PTPRR: variants seen among roughly 807,000 people sequenced by gnomAD.
The protein encoded by PTPRR is protein tyrosine phosphatase receptor type R, also known as receptor-type tyrosine-protein phosphatase R.
A neutral mutation model predicts 77.2 loss-of-function variants in PTPRR; 38 were observed. The ratio of observed to expected loss-of-function variants is 0.49; its 90% confidence interval spans 0.38 to 0.65. The LOEUF is 0.65. Among genes scored for constraint, PTPRR ranks in the 30% least tolerant of loss-of-function variants. PTPRR has a pLI of 0.00. For missense variants in PTPRR, 744 were observed against 799.2 expected (o/e 0.93, Z 0.83); for synonymous variants, 299 against 283.1 (o/e 1.06, Z -0.57).
chr12:70,720,155 G>A (rs962873930), intron 6 of PTPRR, among the ~76,000 whole-genome samples: 2 of 152,180 alleles, frequency 1.3e-5, no homozygotes, highest in African/African-American at 4.8e-5. Context: ...GGTGGAAAAA[G>A]AAAAATCCTC....
chr12:70,739,146 A>G (rs1889966873), intron 6 of PTPRR, among the ~76,000 whole-genome samples: 1 of 152,202 alleles, frequency 6.6e-6, no homozygotes, highest in Non-Finnish European at 1.5e-5. Context: ...AACTGTAGCA[A>G]TTCAGTAGAA....
At chr12:70,864,569 G>C (rs927689177) in intron 2 of PTPRR, among the ~76,000 whole-genome samples, 1 of 152,136 alleles carries the variant, frequency 6.6e-6, no homozygotes, top group Non-Finnish European at 1.5e-5. Context: ...CACTATCAGA[G>C]TTCATTCATT....
At chr12:70,843,671 CTT>C (rs1327295417) in intron 2 of PTPRR, among the ~76,000 whole-genome samples, 1 of 151,962 alleles carries the variant, frequency 6.6e-6, no homozygotes, top group Non-Finnish European at 1.5e-5. Context: ...TGCTAATTAT[CTT>C]TGTTATTGTA....
chr12:70,758,774 C>A (rs187940780), intron 4 of PTPRR, among the ~76,000 whole-genome samples: 1 of 152,272 alleles, frequency 6.6e-6, no homozygotes, highest in East Asian at 1.9e-4. Context: ...AGTGTAGTAA[C>A]TTTATTCATA....
At chr12:70,903,553 C>T (rs1197315002) in intron 1 of PTPRR, among the ~76,000 whole-genome samples, 2 of 151,654 alleles carry the variant, frequency 1.3e-5, no homozygotes, top group Non-Finnish European at 3.0e-5. Flanking sequence ...TGAACATTTA[C>T]CTAAACTTCA....
At chr12:70,798,466 C>T (rs2137017261) in intron 2 of PTPRR, among the ~76,000 whole-genome samples, 1 of 152,274 alleles carries the variant, frequency 6.6e-6, no homozygotes, top group South Asian at 2.1e-4. Context: ...TTTAAGTTGT[C>T]TTTTCCTACT....
intron 2 of PTPRR, among the ~76,000 whole-genome samples, chr12:70,819,868 A>G (rs1565708281): frequency 6.6e-6 from 1 of 152,074 alleles, no homozygotes; most frequent in South Asian, 2.1e-4. Context: ...TAATGTAAAG[A>G]TATTTTCTGT....
intron 2 of PTPRR, among the ~76,000 whole-genome samples, chr12:70,835,682 T>C (rs1241922970): frequency 6.6e-6 from 1 of 152,160 alleles, no homozygotes; most frequent in Non-Finnish European, 1.5e-5. Flanking sequence ...AGACAAATAT[T>C]AACTTCTAGT....
chr12:70,639,260 G>A lies in PTPRR; in HGVS notation c.1898C>T (p.Thr633Ile). Residue 633 changes from threonine (T) to isoleucine (I), a missense_variant, in exon 14 of 14, where the codon ACC becomes ATC. Transcript: ENST00000283228. ...LRMDRGGMVQ[T>I]SEQYEFVHHA... The stretch of plus-strand genomic sequence containing the variant: ...GTGCACAAATTCATACTGCTCACTG[G>A]TTTGCACCATTCCACCTCTGCAAGG... The A allele has an allele frequency of 6.2e-7, 1 of 1,613,238 alleles. No homozygotes were observed.
intron 6 of PTPRR, among the ~76,000 whole-genome samples, chr12:70,718,912 T>C (rs1889136102): frequency 1.3e-5 from 2 of 152,216 alleles, no homozygotes; most frequent in Admixed American, 6.5e-5. Context: ...CTTTCGTATG[T>C]CTGAATTATC....
chr12:70,846,693 G>A (rs1485023870), intron 2 of PTPRR, among the ~76,000 whole-genome samples: 3 of 152,008 alleles, frequency 2.0e-5, no homozygotes, highest in African/African-American at 4.8e-5. Context: ...GGATGCAAAG[G>A]GAAAGCACCA....
At chr12:70,774,878 A>T (rs955668112) in intron 2 of PTPRR, among the ~76,000 whole-genome samples, 1 of 152,216 alleles carries the variant, frequency 6.6e-6, no homozygotes, top group African/African-American at 2.4e-5. Context: ...TAGATGCTAG[A>T]AATGCACAGC....
At chr12:70,651,157 C>A (rs1035709860) in intron 13 of PTPRR, among the ~76,000 whole-genome samples, 8 of 152,204 alleles carry the variant, frequency 5.3e-5, no homozygotes, top group South Asian at 2.1e-4. Context: ...GATTGAAGGA[C>A]CTCGCCATGG....
chr12:70,903,990 A>G (rs1216138632), intron 1 of PTPRR, among the ~76,000 whole-genome samples: 3 of 151,924 alleles, frequency 2.0e-5, no homozygotes, highest in Non-Finnish European at 4.4e-5. Flanking sequence ...GTCCATTTCT[A>G]TTAGCCAATA....
At chr12:70,821,128 C>G (rs1892000502) in intron 2 of PTPRR, among the ~76,000 whole-genome samples, 1 of 151,024 alleles carries the variant, frequency 6.6e-6, no homozygotes, top group South Asian at 2.1e-4. Context: ...ACGATGTCCT[C>G]CAAGAAAGGA....
chr12:70,668,945 C>T (rs1375998684), intron 10 of PTPRR, among the ~76,000 whole-genome samples: 1 of 152,056 alleles, frequency 6.6e-6, no homozygotes, highest in African/African-American at 2.4e-5. Flanking sequence ...TGCAATTTGA[C>T]TTAATGAGGT....
intron 6 of PTPRR, among the ~76,000 whole-genome samples, chr12:70,709,290 T>A (rs11178375): frequency 0.44 from 67,177 of 151,934 alleles, 17,240 homozygotes; most frequent in Non-Finnish European, 0.56. Flanking sequence ...AAACTCTTAA[T>A]AAACTAGGTA....
intron 3 of PTPRR, among the ~76,000 whole-genome samples, chr12:70,763,490 C>A (rs1513096): frequency 0.37 from 56,600 of 152,084 alleles, 12,824 homozygotes; most frequent in African/African-American, 0.64. Context: ...AACTTTTTAA[C>A]AGCTTGTTTA....
At chr12:70,884,871 C>CAAAAAAAAAAAAAAAAAAA (rs529547383) in intron 2 of PTPRR, among the ~76,000 whole-genome samples, 9 of 53,928 alleles carry the variant, frequency 1.7e-4, no homozygotes, top group African/African-American at 3.7e-4. Context: ...AACTCTGTCT[C>CAAAAAAAAAAAAAAAAAAA]AAAAAAAAAA....
Sources: allele counts gnomAD v4.1 joint callset (sites outside exome capture counted in the v4.1 genomes callset), GRCh38; gene constraint gnomAD v4.1.1; transcripts MANE v1.5; gene names NCBI Gene and HGNC (gene_info 2026-07-23, HGNC 2026-07-21).